Variants in DCAF8 observed in about 807,000 individuals in gnomAD.
DCAF8 encodes the protein DDB1 and CUL4 associated factor 8.
A neutral mutation model predicts 68.0 loss-of-function variants in DCAF8; 20 were observed. That is an observed-to-expected ratio of 0.29 (90% CI 0.21 to 0.43). DCAF8 has a LOEUF of 0.43. Among genes scored for constraint, DCAF8 ranks in the 20% least tolerant of loss-of-function variants. The probability of loss-of-function intolerance (pLI) is 1.00; values close to 1 mark genes in which losing one functional copy is unlikely to be tolerated. For synonymous variants in DCAF8, 230 were observed against 276.9 expected (o/e 0.83, Z 1.68); for missense variants, 460 against 771.0 (o/e 0.60, Z 4.78).
chr1:160,251,330 C>A (rs1656586436), intron 2 of DCAF8, among the ~76,000 whole-genome samples: 1 of 152,178 alleles, frequency 6.6e-6, no homozygotes, highest in Admixed American at 6.5e-5. Flanking sequence ...ACTAGTTCTA[C>A]TTTCTCCACC....
At chr1:160,253,647 CAA>C (rs747211563) in intron 2 of DCAF8, among the ~76,000 whole-genome samples, 11 of 26,944 alleles carry the variant, frequency 4.1e-4, no homozygotes, top group African/African-American at 9.1e-4. Flanking sequence ...GACTCCATCT[CAA>C]AAAAAAAAAA....
At position 160,222,656 on chromosome 1, in the gene DCAF8, C is replaced by T; in HGVS notation, c.1435G>A (p.Gly479Ser). Residue 479 changes from glycine (G) to serine (S), a missense_variant, in exon 11 of 14, where the codon GGC (glycine) becomes AGC (serine). Transcript: ENST00000368074. ...IIQFMEGDKGGVVNCLEPHPH... is the reference protein window; with the variant it reads ...IIQFMEGDKGSVVNCLEPHPH... ...GCTCAGCACACCATACTCACCACGCCTCCCTTGTCCCCCTCCATGAACTGA... is the reference window on the plus strand; with the variant it reads ...GCTCAGCACACCATACTCACCACGCTTCCCTTGTCCCCCTCCATGAACTGA... 6.2e-7 allele frequency: 1 copy of T among 1,614,132 alleles called. No homozygotes were observed. The highest frequency in any genetic ancestry group is 8.5e-7 in the Non-Finnish European group (1 of 1,180,002).
intron 5 of DCAF8, among the ~76,000 whole-genome samples, chr1:160,237,725 A>C (rs575357453): frequency 6.6e-6 from 1 of 151,876 alleles, no homozygotes; most frequent in Non-Finnish European, 1.5e-5. Context: ...TGTTTTCCAC[A>C]GATGGGGTCT....
chr1:160,253,647 CAAAAAAA>C (rs747211563), intron 2 of DCAF8, among the ~76,000 whole-genome samples: 10 of 26,952 alleles, frequency 3.7e-4, no homozygotes, highest in South Asian at 2.2e-3. Flanking sequence ...GACTCCATCT[CAAAAAAA>C]AAAAAAAAAA....
At chr1:160,255,329 TCTCA>T (rs1210802610) in intron 2 of DCAF8, among the ~76,000 whole-genome samples, 1 of 152,176 alleles carries the variant, frequency 6.6e-6, no homozygotes, top group Non-Finnish European at 1.5e-5. Flanking sequence ...AGAGACGGAG[TCTCA>T]CTATCTTGCC....
At chr1:160,221,499 T>C (rs536969499) in intron 11 of DCAF8, among the ~76,000 whole-genome samples, 14 of 152,220 alleles carry the variant, frequency 9.2e-5, no homozygotes, top group South Asian at 4.1e-4. Context: ...AGAAGAAAAT[T>C]TGAAATACCC....
chr1:160,224,584 G>A, intron 9 of DCAF8, 35 bp from the exon 10 acceptor site: 1 of 1,567,344 alleles, frequency 6.4e-7, no homozygotes, highest in Non-Finnish European at 8.8e-7. Flanking sequence ...TGAAGGCAAA[G>A]GCTGAAAAAA....
intron 3 of DCAF8, among the ~76,000 whole-genome samples, chr1:160,243,549 ATCTC>A (rs1159799872): frequency 6.6e-6 from 1 of 151,940 alleles, no homozygotes; most frequent in East Asian, 1.9e-4. Flanking sequence ...CAGCCATGTA[ATCTC>A]TCTATCAAAC....
At chr1:160,232,696 T>C (rs970642037) in intron 6 of DCAF8, among the ~76,000 whole-genome samples, 6 of 151,756 alleles carry the variant, frequency 4.0e-5, no homozygotes, top group African/African-American at 7.3e-5. Flanking sequence ...CATGCACCTA[T>C]AGTCCCAGCT....
chr1:160,245,454 CT>C (rs1454126829), intron 2 of DCAF8, among the ~76,000 whole-genome samples: 1 of 152,218 alleles, frequency 6.6e-6, no homozygotes, highest in Non-Finnish European at 1.5e-5. Context: ...TCATCCTTAT[CT>C]TTTCCTCCGC....
At chr1:160,231,262 A>G in intron 7 of DCAF8, 35 bp downstream of exon 7, 1 of 1,487,220 alleles carries the variant, frequency 6.7e-7, no homozygotes, top group Non-Finnish European at 9.4e-7. Flanking sequence ...TCAGTCTTAC[A>G]AACTGTCAAA....
At chr1:160,259,578 G>T (rs1557845097) in intron 2 of DCAF8, among the ~76,000 whole-genome samples, 2 of 151,866 alleles carry the variant, frequency 1.3e-5, no homozygotes, top group African/African-American at 2.4e-5. Context: ...TAACTCCCCA[G>T]CCCTGATTCA....
In DCAF8 at chr1:160,231,392, T is replaced by G. The variant is rs1209109855; in HGVS notation, c.975A>C (p.Thr325=). Residue 325 remains threonine (T), a synonymous_variant, in exon 7 of 14, where the codon ACA becomes ACC. Coordinates refer to ENST00000368074, the MANE Select transcript of DCAF8 (RefSeq NM_015726.4). Reference sequence around the variant, plus strand: ...GCCCCACTTTCTTCTCTTTCTCTTTTGTCACCACCAGTTTCCTTTAAGAGT... The same window carrying G: ...GCCCCACTTTCTTCTCTTTCTCTTTGGTCACCACCAGTTTCCTTTAAGAGT... ...QDRPASKLVV[T]KEKEKKVGLY... 2 of 1,613,856 alleles carry G rather than the reference T, an allele frequency of 1.2e-6. No individual in the cohort carries two copies. The highest frequency in any genetic ancestry group is 1.7e-6 in the Non-Finnish European group (2 of 1,179,860).
chr1:160,246,485 T>G (rs1031835931), intron 2 of DCAF8, among the ~76,000 whole-genome samples: 1 of 152,166 alleles, frequency 6.6e-6, no homozygotes, highest in African/African-American at 2.4e-5. Context: ...TGAACCTATA[T>G]GAGTGAAAAC....
chr1:160,239,509 G>A (rs974261050), intron 4 of DCAF8, 188 bp downstream of exon 4: 1 of 1,494,786 alleles, frequency 6.7e-7, no homozygotes, highest in African/African-American at 1.4e-5. Context: ...CAGTCCACAT[G>A]CTCAAGGAAT....
intron 2 of DCAF8, among the ~76,000 whole-genome samples, chr1:160,247,991 C>A (rs1656408618): frequency 6.6e-6 from 1 of 152,158 alleles, no homozygotes; most frequent in Non-Finnish European, 1.5e-5. Context: ...AAAAATTAAT[C>A]AGTTGGATTT....
At chr1:160,250,369 G>A (rs1413159406) in intron 2 of DCAF8, among the ~76,000 whole-genome samples, 2 of 151,588 alleles carry the variant, frequency 1.3e-5, no homozygotes, top group African/African-American at 4.9e-5. Context: ...GGGAGGCTGA[G>A]GCAGGAGAAT....
At chr1:160,238,878 C>A (rs77987023) in intron 4 of DCAF8, 131 bp from the exon 5 acceptor site, 52 of 1,066,020 alleles carry the variant, frequency 4.9e-5, no homozygotes, top group Non-Finnish European at 6.7e-5. Context: ...AGCTTTCCTA[C>A]TCTTGTACAG....
intron 2 of DCAF8, among the ~76,000 whole-genome samples, chr1:160,251,096 T>G (rs1656574473): frequency 6.6e-6 from 1 of 152,174 alleles, no homozygotes; most frequent in Non-Finnish European, 1.5e-5. Context: ...CTCTCCTACA[T>G]AAACACCCAT....
Sources: allele counts gnomAD v4.1 joint callset (sites outside exome capture counted in the v4.1 genomes callset), GRCh38; gene constraint gnomAD v4.1.1; transcripts MANE v1.5; gene names NCBI Gene and HGNC (gene_info 2026-07-23, HGNC 2026-07-21).